MYT1: variants seen among roughly 807,000 people sequenced by gnomAD.
The protein encoded by MYT1 is myelin transcription factor 1.
Under a neutral mutation model 123.0 loss-of-function variants are expected in MYT1, and 23 were observed. The ratio of observed to expected loss-of-function variants is 0.19; its 90% CI spans 0.13 to 0.26. The LOEUF is 0.26. Ranked by LOEUF, MYT1 falls within the 10% of genes least tolerant of loss-of-function variation. The probability of loss-of-function intolerance (pLI) is 1.00; values close to 1 mark genes in which losing one functional copy is unlikely to be tolerated. For missense variants in MYT1, 1,125 were observed against 1,472.5 expected (o/e 0.76, Z 3.86); for synonymous variants, 518 against 575.3 (o/e 0.90, Z 1.43).
intron 1 of MYT1, among the ~76,000 whole-genome samples, chr20:64,184,268 G>T (rs1349296912): frequency 6.6e-6 from 1 of 152,078 alleles, no homozygotes; most frequent in Non-Finnish European, 1.5e-5. Flanking sequence ...TGTTTTCTAG[G>T]AGTTTTGGTT....
intron 19 of MYT1, among the ~76,000 whole-genome samples, chr20:64,234,919 C>A (rs1449414473): frequency 2.8e-5 from 4 of 144,566 alleles, no homozygotes; most frequent in Non-Finnish European, 4.5e-5. Flanking sequence ...TGGTGGGTGA[C>A]CCTTGGCTGG....
chr20:64,212,634 C>G lies in MYT1; in HGVS notation c.1517+496C>G, dbSNP rs1211100899. 2.0e-5 allele frequency among the ~76,000 whole-genome samples: 3 copies of G among 152,176 alleles called. No homozygotes were observed. Among genetic ancestry groups the G allele is most frequent in the Non-Finnish European group, 4.4e-5 (3 of 68,022 alleles). On this transcript the variant is annotated intron_variant, in intron 9 of 22. Transcript: ENST00000328439. The surrounding 1 kb of genome is among the most constrained non-coding windows in gnomAD (Gnocchi z 6.8). ...CCTACCCACATTCAGAAAACCTCTG[C>G]ACACTGGCTCTTGCTCCTGAGTGGG...
At chr20:64,173,244 C>T (rs1982340109) in intron 1 of MYT1, among the ~76,000 whole-genome samples, 1 of 152,170 alleles carries the variant, frequency 6.6e-6, no homozygotes, top group African/African-American at 2.4e-5. Flanking sequence ...GGCCAATTTC[C>T]CTCCCCTCCT....
intron 16 of MYT1, among the ~76,000 whole-genome samples, chr20:64,224,163 GC>G (rs199715456): frequency 0.014 from 2,197 of 152,264 alleles, 34 homozygotes; most frequent in Non-Finnish European, 0.016. Context: ...GGGCACCGGG[GC>G]CGAGCTGAGG....
At position 64,208,501 on chromosome 20, in the gene MYT1, G is replaced by C. The variant is rs1337680369; in HGVS notation, c.1291+14G>C. 6.3e-7 allele frequency: 1 copy of C among 1,575,092 alleles called. No homozygotes were observed. Among genetic ancestry groups the C allele is most frequent in the Non-Finnish European group, 8.6e-7 (1 of 1,157,726 alleles). Reference sequence around the variant, plus strand: ...ACTACAGTAAAGGTAGGGCTCAGGGGTGGCCTGGCCCTGCAGACTCATCCT... The same window carrying C: ...ACTACAGTAAAGGTAGGGCTCAGGGCTGGCCTGGCCCTGCAGACTCATCCT... On this transcript the variant is annotated intron_variant, in intron 7 of 22. Coordinates refer to ENST00000328439, the MANE Select transcript of MYT1 (RefSeq NM_004535.3). The surrounding 1 kb of genome is among the most constrained non-coding windows in gnomAD (Gnocchi z 5.4).
At chr20:64,199,268 T>C (rs1983218587) in intron 3 of MYT1, among the ~76,000 whole-genome samples, 1 of 152,190 alleles carries the variant, frequency 6.6e-6, no homozygotes, top group South Asian at 2.1e-4. Context: ...GTCTTGGTGC[T>C]AATGGGGCAT....
chr20:64,203,090 C>A lies in MYT1; in HGVS notation c.87-1945C>A, dbSNP rs1037101092. ...ATCTAAGGGGTTTCCAGCTTCCTGTCCCCGAGCGGCCTTGTCCGCTCCACG... is the reference window on the plus strand; with the variant it reads ...ATCTAAGGGGTTTCCAGCTTCCTGTACCCGAGCGGCCTTGTCCGCTCCACG... On this transcript the variant is annotated intron_variant, in intron 4 of 22. Transcript: ENST00000328439. This position sits in a 1 kb window ranked among gnomAD's most constrained non-coding sequence, Gnocchi z 5.1. Among the ~76,000 whole-genome samples, 2 of 152,318 alleles carry A rather than the reference C, an allele frequency of 1.3e-5. No individual in the cohort carries two copies. The highest frequency in any genetic ancestry group is 4.8e-5 in the African/African-American group (2 of 41,568).
At position 64,217,006 on chromosome 20, in the gene MYT1, G is replaced by T. The variant is rs534767165; in HGVS notation, c.1632-61G>T. 426 of 1,518,674 alleles carry T rather than the reference G, an allele frequency of 2.8e-4. No homozygotes were observed. In the African/African-American group the frequency reaches 4.9e-3, roughly 17 times the overall value. The allele number at this position is 1,518,674 out of a possible 1,614,324, so 94.1% of individuals were successfully genotyped here. On this transcript the variant is annotated intron_variant, in intron 10 of 22. Coordinates refer to ENST00000328439, the MANE Select transcript of MYT1 (RefSeq NM_004535.3). ...CTGGGCTGCAGATTGGGGTTGGGGA[G>T]GGTGGCACGGGATCCCCAGGTCCCA...
At chr20:64,217,383 G>T in intron 11 of MYT1, 102 bp downstream of exon 11, 1 of 1,267,536 alleles carries the variant, frequency 7.9e-7, no homozygotes, top group Non-Finnish European at 1.1e-6. Context: ...GAGCTACTAG[G>T]GAGGGAAACT....
intron 2 of MYT1, among the ~76,000 whole-genome samples, chr20:64,194,687 G>A (rs558957099): frequency 1.3e-5 from 2 of 152,362 alleles, no homozygotes; most frequent in Admixed American, 6.5e-5. Context: ...GAGTCCGTGA[G>A]TGAGTGAGGA....
chr20:64,222,566 C>T (rs1040869568), intron 14 of MYT1, among the ~76,000 whole-genome samples: 1 of 152,264 alleles, frequency 6.6e-6, no homozygotes. Flanking sequence ...GGATATGAAT[C>T]AGATGTCAAT....
intron 3 of MYT1, among the ~76,000 whole-genome samples, chr20:64,199,519 TTG>T (rs946777380): frequency 1.3e-5 from 2 of 152,158 alleles, no homozygotes; most frequent in African/African-American, 4.8e-5. Context: ...ATCTGGTGGT[TTG>T]TGTTTCCTGC....
intron 1 of MYT1, among the ~76,000 whole-genome samples, chr20:64,170,848 CATATAT>C (rs1175817263): frequency 0.012 from 188 of 16,000 alleles, 4 homozygotes; most frequent in East Asian, 0.015. Context: ...ACAAATTGGT[CATATAT>C]ATATATATAT....
Position 64,213,977 on chromosome 20 carries a change from C to T in MYT1, c.1631+330C>T, listed in dbSNP as rs894450980. Among the ~76,000 whole-genome samples, 2 of 152,228 alleles carry T rather than the reference C, an allele frequency of 1.3e-5. No individual in the cohort carries two copies. The highest frequency in any genetic ancestry group is 4.1e-4 in the South Asian group (2 of 4,824). ...CGTCTGATGTGACCACTTGAGGCCC[C>T]TTGGGGATTCATTTGTGGAGATGCT... is the stretch of plus-strand genomic sequence containing the variant. On this transcript the variant is annotated intron_variant, in intron 10 of 22. Coordinates refer to ENST00000328439, the MANE Select transcript of MYT1 (RefSeq NM_004535.3). The surrounding 1 kb of genome is among the most constrained non-coding windows in gnomAD (Gnocchi z 5.6).
In MYT1 at chr20:64,208,582, G is replaced by C; in HGVS notation, c.1291+95G>C. On this transcript the variant is annotated intron_variant, in intron 7 of 22. Transcript: ENST00000328439. The surrounding 1 kb of genome is among the most constrained non-coding windows in gnomAD (Gnocchi z 5.4). ...GCTGAGAGCCCTTCTAGGACAGGGG[G>C]CTGGGGGATGGCAGAAAAGCAGACA... 1 of 1,469,470 alleles carries C rather than the reference G, an allele frequency of 6.8e-7. No homozygotes were observed. Among genetic ancestry groups the C allele is most frequent in the Non-Finnish European group, 9.0e-7 (1 of 1,112,206 alleles). The allele number at this position is 1,469,470 out of a possible 1,614,324, so 91.0% of individuals were successfully genotyped here. A position where few individuals can be genotyped will look rare whatever the true frequency, so the allele number is the denominator to read the frequency against.
rs1218929408 is a variant in MYT1, at chr20:64,190,983, C to G, written c.-1+823C>G. Among the ~76,000 whole-genome samples, 3 of 152,104 alleles carry G rather than the reference C, an allele frequency of 2.0e-5. No homozygotes were observed. Among genetic ancestry groups the G allele is most frequent in the Non-Finnish European group, 2.9e-5 (2 of 68,010 alleles). ...GACTCCATCTCAGAAAACAAGCAAG[C>G]AAGCAAACAAAAAAAACCCACCAAA... On this transcript the variant is annotated intron_variant, in intron 2 of 22. Transcript: ENST00000328439. The surrounding 1 kb of genome is among the most constrained non-coding windows in gnomAD (Gnocchi z 4.1).
chr20:64,205,990 G>C (rs1211518258), intron 6 of MYT1, among the ~76,000 whole-genome samples, 190 bp downstream of exon 6: 1 of 152,168 alleles, frequency 6.6e-6, no homozygotes, highest in African/African-American at 2.4e-5. Flanking sequence ...GGGGCCTGTG[G>C]TGTGTTTGTG....
chr20:64,182,521 C>T (rs181723025), intron 1 of MYT1, among the ~76,000 whole-genome samples: 4 of 152,338 alleles, frequency 2.6e-5, no homozygotes, highest in South Asian at 2.1e-4. Context: ...AGAGGCAGGT[C>T]GCCTTCCTTT....
At chr20:64,170,884 T>TATAGAGAG (rs1569303821) in intron 1 of MYT1, among the ~76,000 whole-genome samples, 3 of 20,004 alleles carry the variant, frequency 1.5e-4, no homozygotes, top group Non-Finnish European at 2.4e-4. Flanking sequence ...TATATATATA[T>TATAGAGAG]AGAGAGAGAG....
Sources: gnomAD v4.1 joint callset for allele counts (sites outside exome capture counted in the v4.1 genomes callset) on GRCh38, gnomAD v4.1.1 for gene constraint, Gnocchi (gnomAD v3.1) non-coding constraint, MANE v1.5 for transcripts, NCBI Gene and HGNC (gene_info 2026-07-23, HGNC 2026-07-21) for gene names.